The following MTCL2 variants were observed in gnomAD, a reference collection of about 807,000 sequenced individuals.
MTCL2 encodes microtubule cross-linking factor 2.
the MTCL2 span, among the ~76,000 whole-genome samples, chr20:36,854,141 G>A: frequency 6.6e-6 from 1 of 152,176 alleles, no homozygotes; most frequent in African/African-American, 2.4e-5. Flanking sequence ...GCATCCTGGA[G>A]AGAAGCACAA....
At chr20:36,798,447 T>A in the MTCL2 span, among the ~76,000 whole-genome samples, 1 of 152,188 alleles carries the variant, frequency 6.6e-6, no homozygotes, top group Non-Finnish European at 1.5e-5. Context: ...GATGAGAGGA[T>A]CAAGACTGAG....
the MTCL2 span, among the ~76,000 whole-genome samples, chr20:36,807,702 A>G: frequency 1.4e-4 from 21 of 151,726 alleles, no homozygotes; most frequent in Non-Finnish European, 2.4e-4. Context: ...ACTATCACCA[A>G]TGTTTTTAAG....
the MTCL2 span, among the ~76,000 whole-genome samples, chr20:36,828,009 G>A: frequency 6.6e-6 from 1 of 152,200 alleles, no homozygotes; most frequent in Non-Finnish European, 1.5e-5. Context: ...CAGTGGGAAG[G>A]ATGGCTGGAG....
chr20:36,851,083 A>G, the MTCL2 span, among the ~76,000 whole-genome samples: 1 of 152,132 alleles, frequency 6.6e-6, no homozygotes, highest in African/African-American at 2.4e-5. Context: ...CACAGGGTGA[A>G]ATTTGGGGTG....
chr20:36,795,360 G>C, the MTCL2 span, among the ~76,000 whole-genome samples: 5 of 152,162 alleles, frequency 3.3e-5, no homozygotes, highest in Non-Finnish European at 7.3e-5. Flanking sequence ...AAAATGCTGG[G>C]ATTAGAGGCA....
At chr20:36,846,176 G>A in the MTCL2 span, among the ~76,000 whole-genome samples, 4 of 151,408 alleles carry the variant, frequency 2.6e-5, no homozygotes, top group South Asian at 2.1e-4. Flanking sequence ...ACTGCACTCC[G>A]GCCTGGGCAA....
the MTCL2 span, among the ~76,000 whole-genome samples, chr20:36,824,997 T>C: frequency 1.3e-5 from 2 of 150,992 alleles, no homozygotes; most frequent in Non-Finnish European, 2.9e-5. Flanking sequence ...TGGAGTGCAA[T>C]GATGGGATGT....
At chr20:36,789,245 G>A in the MTCL2 span, among the ~76,000 whole-genome samples, 7 of 152,180 alleles carry the variant, frequency 4.6e-5, no homozygotes, top group Non-Finnish European at 8.8e-5. Flanking sequence ...TCTTGATGTG[G>A]TGCTGGTTAT....
At chr20:36,853,575 C>G in the MTCL2 span, among the ~76,000 whole-genome samples, 1 of 152,120 alleles carries the variant, frequency 6.6e-6, no homozygotes, top group Non-Finnish European at 1.5e-5. Context: ...TATTTTATCC[C>G]CATTTCACAG....
chr20:36,816,727 G>A, the MTCL2 span, among the ~76,000 whole-genome samples: 1 of 152,126 alleles, frequency 6.6e-6, no homozygotes, highest in South Asian at 2.1e-4. Flanking sequence ...TTCTTCCAAT[G>A]AACCCCCAAG....
the MTCL2 span, among the ~76,000 whole-genome samples, chr20:36,818,445 C>A: frequency 6.6e-6 from 1 of 152,016 alleles, no homozygotes; most frequent in South Asian, 2.1e-4. Context: ...TATAACAAAT[C>A]GTAATTACAC....
the MTCL2 span, among the ~76,000 whole-genome samples, chr20:36,837,159 C>T: frequency 1.3e-5 from 2 of 152,198 alleles, no homozygotes; most frequent in Non-Finnish European, 2.9e-5. Flanking sequence ...TGGGCCTTCA[C>T]TCAGAAGTCA....
At chr20:36,839,290 C>T in the MTCL2 span, 5 of 1,612,034 alleles carry the variant, frequency 3.1e-6, no homozygotes, top group South Asian at 1.1e-5. The surrounding 1 kb of genome is among the most constrained non-coding windows in gnomAD (Gnocchi z 5.1). Flanking sequence ...GAGACTGCGG[C>T]GCTCGGCTTT....
the MTCL2 span, chr20:36,783,750 T>C: frequency 1.0e-6 from 1 of 985,110 alleles, no homozygotes; most frequent in African/African-American, 1.7e-5. Flanking sequence ...TAAAAGGCAT[T>C]TGAAGAAACC....
the MTCL2 span, chr20:36,815,979 C>T: frequency 1.2e-6 from 2 of 1,613,606 alleles, no homozygotes; most frequent in Admixed American, 1.7e-5. This position sits in a 1 kb window ranked among gnomAD's most constrained non-coding sequence, Gnocchi z 5.3. Flanking sequence ...AGGACCCCCA[C>T]AGCCACCTCC....
the MTCL2 span, among the ~76,000 whole-genome samples, chr20:36,841,874 G>GGGGGGGTGTGT: frequency 1.8e-5 from 2 of 110,768 alleles, no homozygotes; most frequent in African/African-American, 6.5e-5. Context: ...TGGGGGGTGG[G>GGGGGGGTGTGT]GTGTGTGTGT....
At chr20:36,778,048 C>G in the MTCL2 span, 3 of 463,792 alleles carry the variant, frequency 6.5e-6, no homozygotes, top group East Asian at 3.7e-5. Context: ...ACTCCCACCC[C>G]CTCCCTGGCT....
the MTCL2 span, among the ~76,000 whole-genome samples, chr20:36,822,727 C>G: frequency 6.6e-6 from 1 of 151,806 alleles, no homozygotes; most frequent in East Asian, 1.9e-4. Context: ...AAAGCACAGA[C>G]TGTGCTTCAG....
chr20:36,787,223 GCTT>G, the MTCL2 span, among the ~76,000 whole-genome samples: 1 of 151,420 alleles, frequency 6.6e-6, no homozygotes, highest in African/African-American at 2.4e-5. Context: ...TACCCAATTC[GCTT>G]TTTTTATTTT....
Sources: allele counts gnomAD v4.1 joint callset (sites outside exome capture counted in the v4.1 genomes callset), GRCh38; gene constraint gnomAD v4.1.1; non-coding constraint Gnocchi (gnomAD v3.1); transcripts MANE v1.5; gene names NCBI Gene and HGNC (gene_info 2026-07-23, HGNC 2026-07-21).